Variants in PCDHA7 observed in about 807,000 individuals in gnomAD.
PCDHA7 encodes protocadherin alpha 7, also known as protocadherin alpha-7.
Under a neutral mutation model 57.2 loss-of-function variants are expected in PCDHA7, and 37 were observed. The ratio of observed to expected loss-of-function variants is 0.65; its 90% CI spans 0.50 to 0.85. The LOEUF (loss-of-function observed/expected upper bound fraction) is 0.85. Among genes scored for constraint, PCDHA7 ranks in the 40% least tolerant of loss-of-function variants. The pLI, the probability that PCDHA7 is intolerant of heterozygous loss-of-function variation, is 0.00. For missense variants in PCDHA7, 1,188 were observed against 1,241.8 expected, an observed-to-expected ratio of 0.96 and a Z score of 0.65; for synonymous variants, 553 against 558.8, an observed-to-expected ratio of 0.99 and a Z score of 0.15.
At chr5:140,843,111 T>TGAA (rs2150352902) in intron 1 of PCDHA7, 1 of 1,595,832 alleles carries the variant, frequency 6.3e-7, no homozygotes, top group South Asian at 1.1e-5. Context: ...GTGCGCGCAG[T>TGAA]GGACGCCGAC....
chr5:140,995,276 C>T (rs2097674050), intron 3 of PCDHA7, among the ~76,000 whole-genome samples: 4 of 152,030 alleles, frequency 2.6e-5, no homozygotes, highest in Non-Finnish European at 1.5e-5. Flanking sequence ...CCCTTTGATA[C>T]CAAAACAGCC....
rs2150441270 is a variant in PCDHA7, at chr5:140,849,579, G to A, written c.2355+12841G>A. ...AACGCTCTCGGTTCCTGTAAAAGAG[G>A]ACGCACAACTGGGGACAGTTATTGC... On this transcript the variant is annotated intron_variant, in intron 1 of 3. Coordinates refer to ENST00000525929, the MANE Select transcript of PCDHA7 (RefSeq NM_018910.3). 7 of 1,598,680 alleles carry A rather than the reference G, an allele frequency of 4.4e-6. 3 individuals carry two copies. The highest frequency in any genetic ancestry group is 2.2e-5 in the South Asian group (2 of 90,552).
intron 1 of PCDHA7, chr5:140,875,484 C>A: frequency 6.2e-7 from 1 of 1,611,246 alleles, no homozygotes. Context: ...TGGTGATTAT[C>A]GGACCAAGAG....
intron 1 of PCDHA7, among the ~76,000 whole-genome samples, chr5:140,913,140 G>T (rs1562991745): frequency 6.6e-6 from 1 of 152,068 alleles, no homozygotes; most frequent in African/African-American, 2.4e-5. Context: ...CTACTTTTTG[G>T]AATAGTTTGA....
rs527638271 is a variant in PCDHA7, at chr5:140,882,967, G to A, written c.2355+46229G>A. 3.1e-4 allele frequency: 497 copies of A among 1,614,172 alleles called. 6 individuals are homozygous for A. In the South Asian group the frequency reaches 5.0e-3, roughly 16 times the overall value. On this transcript the variant is annotated intron_variant, in intron 1 of 3. Transcript: ENST00000525929. Reference sequence around the variant, plus strand: ...CAGTTCAGCTGCTCATCACGATTCTGGACGTGAATGACAACGCCCCGGAAT... The same window carrying A: ...CAGTTCAGCTGCTCATCACGATTCTAGACGTGAATGACAACGCCCCGGAAT...
chr5:140,963,543 T>C (rs1390082859), intron 1 of PCDHA7, among the ~76,000 whole-genome samples: 2 of 152,238 alleles, frequency 1.3e-5, no homozygotes, highest in East Asian at 1.9e-4. Flanking sequence ...TACTTCATGA[T>C]ATAAAAAGGG....
intron 1 of PCDHA7, chr5:140,850,770 T>A: frequency 6.3e-7 from 1 of 1,598,038 alleles, no homozygotes; most frequent in Non-Finnish European, 8.6e-7. Context: ...GCAGAGGGTG[T>A]GCTCTGGCGA....
intron 1 of PCDHA7, among the ~76,000 whole-genome samples, chr5:140,840,448 G>T (rs1381266800): frequency 1.3e-5 from 2 of 151,904 alleles, no homozygotes; most frequent in Non-Finnish European, 2.9e-5. Flanking sequence ...AAATAGAAAC[G>T]TTAAATAAAA....
chr5:140,842,688 C>T (rs2150342065), intron 1 of PCDHA7: 3 of 1,595,284 alleles, frequency 1.9e-6, no homozygotes, highest in Non-Finnish European at 1.7e-6. Flanking sequence ...CCGGCGTTCG[C>T]GCAGCCCGAG....
chr5:140,869,546 C>A (rs201504685), intron 1 of PCDHA7: 3 of 1,614,170 alleles, frequency 1.9e-6, no homozygotes, highest in East Asian at 4.5e-5. Flanking sequence ...TCTAAGCAAT[C>A]GGACTCGCGT....
chr5:140,849,923 G>C, intron 1 of PCDHA7: 3 of 1,598,322 alleles, frequency 1.9e-6, no homozygotes, highest in Non-Finnish European at 2.6e-6. Context: ...ACATCTTCAC[G>C]GTGTCTGCGC....
chr5:140,840,468 A>G (rs2150307012), intron 1 of PCDHA7, among the ~76,000 whole-genome samples: 2 of 151,992 alleles, frequency 1.3e-5, no homozygotes, highest in Non-Finnish European at 2.9e-5. Context: ...AAGTTGGGGA[A>G]AAAAGTTTAA....
chr5:140,927,611 C>T, intron 1 of PCDHA7: 1 of 1,614,164 alleles, frequency 6.2e-7, no homozygotes, highest in Admixed American at 1.7e-5. Context: ...GTATACCGCA[C>T]CAAGGTTCCA....
chr5:140,871,755 T>C (rs2053292269), intron 1 of PCDHA7, among the ~76,000 whole-genome samples: 1 of 152,248 alleles, frequency 6.6e-6, no homozygotes. Context: ...AGAAATGAGA[T>C]GCAAGAGTGA....
intron 3 of PCDHA7, among the ~76,000 whole-genome samples, chr5:140,997,129 C>A (rs983112049): frequency 6.6e-6 from 1 of 151,976 alleles, no homozygotes; most frequent in Non-Finnish European, 1.5e-5. Flanking sequence ...ATACACAATG[C>A]CCCCACACCC....
intron 1 of PCDHA7, chr5:140,882,915 A>T: frequency 6.2e-7 from 1 of 1,614,228 alleles, no homozygotes; most frequent in Non-Finnish European, 8.5e-7. Context: ...ACAGCCAGTG[A>T]TGGAGGTAAA....
At chr5:140,870,081 T>A (rs782572380) in intron 1 of PCDHA7, 1 of 1,613,698 alleles carries the variant, frequency 6.2e-7, no homozygotes, top group East Asian at 2.2e-5. Flanking sequence ...ATAAGGGGAC[T>A]CCCCCAATGG....
At chr5:140,856,666 G>A (rs782273873) in intron 1 of PCDHA7, 1 of 1,598,010 alleles carries the variant, frequency 6.3e-7, no homozygotes, top group Admixed American at 1.7e-5. Flanking sequence ...AAAATCCTCA[G>A]CTAAAGTTGT....
chr5:140,921,267 A>G (rs1371688460), intron 1 of PCDHA7, among the ~76,000 whole-genome samples: 2 of 152,168 alleles, frequency 1.3e-5, no homozygotes, highest in Non-Finnish European at 2.9e-5. Flanking sequence ...AGACTTTTAT[A>G]CTTACTTGAA....
Sources: gnomAD v4.1 joint callset for allele counts (sites outside exome capture counted in the v4.1 genomes callset) on GRCh38, gnomAD v4.1.1 for gene constraint, MANE v1.5 for transcripts, NCBI Gene and HGNC (gene_info 2026-07-23, HGNC 2026-07-21) for gene names.